Variants in RTTN observed in about 807,000 individuals in gnomAD.
RTTN encodes the protein rotatin.
A neutral mutation model predicts 269.2 loss-of-function variants in RTTN; 182 were observed. The observed-to-expected ratio is 0.68, with a 90% CI of 0.60 to 0.76. The LOEUF is 0.76. Ranked by LOEUF, RTTN falls within the 30% of genes least tolerant of loss-of-function variation. The pLI is 0.00. For synonymous variants in RTTN, 1,006 were observed against 963.5 expected (o/e 1.04, Z -0.82); for missense variants, 2,545 against 2,608.6 (o/e 0.98, Z 0.53).
At chr18:70,015,208 G>A (rs2056504650) in intron 46 of RTTN, among the ~76,000 whole-genome samples, 1 of 151,916 alleles carries the variant, frequency 6.6e-6, no homozygotes, top group African/African-American at 2.4e-5. Context: ...ACTACAAGGT[G>A]CCCGCCACCA....
Position 70,188,184 on chromosome 18 carries a change from G to A in RTTN, c.1229C>T (p.Thr410Ile). The A allele has an allele frequency of 6.2e-7, 1 of 1,611,170 alleles. No individual in the cohort carries two copies. Among genetic ancestry groups the A allele is most frequent in the Non-Finnish European group, 8.5e-7 (1 of 1,177,826 alleles). ...TTCACCAATAAGTGTCATATCCTCT[G>A]TAAGCAATTCCAGAACTCTTATTAT... is the stretch of plus-strand genomic sequence containing the variant. Reference protein sequence around the residue: ...QVIIRVLELLTEDMTLIGEAI... With the variant: ...QVIIRVLELLIEDMTLIGEAI... The change falls in exon 10 of 49, where the codon ACA becomes ATA. Residue 410 changes from threonine to isoleucine, a missense_variant. Coordinates refer to ENST00000640769, the MANE Select transcript of RTTN (RefSeq NM_173630.4).
chr18:70,126,070 C>T (rs1053543433), intron 25 of RTTN, among the ~76,000 whole-genome samples: 11 of 152,086 alleles, frequency 7.2e-5, no homozygotes, highest in Middle Eastern at 3.4e-3. Flanking sequence ...AACATATACA[C>T]AGTCTATACT....
At chr18:70,201,413 T>TAA (rs561925455) in intron 4 of RTTN, among the ~76,000 whole-genome samples, 3 of 144,436 alleles carry the variant, frequency 2.1e-5, no homozygotes, top group Middle Eastern at 3.4e-3. Flanking sequence ...CCATCCCGGC[T>TAA]AAAAAAAAAA....
chr18:70,150,699 AC>A lies in RTTN; in HGVS notation c.1963del (p.Val655CysfsTer32), dbSNP rs759169448. On this transcript the variant is annotated frameshift_variant, in exon 15 of 49. Transcript: ENST00000640769. LOFTEE classifies it high-confidence loss of function. ...ATGAATTCCATTGCAAAGTGAAGAC[AC>A]GGGTTTAGTGACATTATGGACACCT... ...CLGVHNVTKP[V>X]SSLCNGIHFL... 1 of 1,608,816 alleles carries A rather than the reference AC, an allele frequency of 6.2e-7. No homozygotes were observed. Among genetic ancestry groups the A allele is most frequent in the South Asian group, 1.1e-5 (1 of 90,942 alleles).
chr18:70,009,324 G>C (rs2056297189), intron 46 of RTTN, among the ~76,000 whole-genome samples: 1 of 152,160 alleles, frequency 6.6e-6, no homozygotes, highest in East Asian at 1.9e-4. Context: ...TTTTATTAGA[G>C]ACGGGGTTTT....
intron 32 of RTTN, among the ~76,000 whole-genome samples, chr18:70,084,657 A>C (rs1387543926): frequency 6.6e-6 from 1 of 152,138 alleles, no homozygotes; most frequent in African/African-American, 2.4e-5. Context: ...AGAGGAAGAA[A>C]ATCTGAGTTT....
chr18:70,142,682 C>T (rs1230741283), intron 18 of RTTN, among the ~76,000 whole-genome samples: 1 of 152,114 alleles, frequency 6.6e-6, no homozygotes, highest in Non-Finnish European at 1.5e-5. Flanking sequence ...TATTTTTTGA[C>T]TTTTAATAAT....
chr18:70,034,697 C>T (rs901144974), intron 40 of RTTN, among the ~76,000 whole-genome samples: 1 of 152,034 alleles, frequency 6.6e-6, no homozygotes. Context: ...CTGGCCAGGG[C>T]AATCAGGCAA....
At chr18:70,029,112 T>A (rs142896790) in intron 42 of RTTN, among the ~76,000 whole-genome samples, 1 of 151,428 alleles carries the variant, frequency 6.6e-6, no homozygotes, top group Admixed American at 6.6e-5. Flanking sequence ...ATATCAGGTG[T>A]TGGCTGACTT....
chr18:70,135,174 T>C lies in RTTN; in HGVS notation c.2885+10A>G, dbSNP rs1424706730. The C allele has an allele frequency of 7.0e-7, 1 of 1,435,182 alleles. No individual in the cohort carries two copies. The allele number at this position is 1,435,182 out of a possible 1,614,324, so 88.9% of individuals were successfully genotyped here. ...TAAGAGTAAAAAACTTATAAATTCT[T>C]ATATCTCACCACATATCCATTCTCG... On this transcript the variant is annotated intron_variant, in intron 22 of 48. Coordinates refer to ENST00000640769, the MANE Select transcript of RTTN (RefSeq NM_173630.4).
chr18:70,175,874 T>A (rs947098391), intron 11 of RTTN, among the ~76,000 whole-genome samples: 4 of 152,132 alleles, frequency 2.6e-5, no homozygotes, highest in Admixed American at 2.6e-4. Flanking sequence ...ATTGTTTGTA[T>A]TCTGTGTGTC....
chr18:70,088,298 C>T (rs1042864097), intron 30 of RTTN, 151 bp from the exon 31 acceptor site: 4 of 605,422 alleles, frequency 6.6e-6, no homozygotes, highest in Non-Finnish European at 1.0e-5. Flanking sequence ...AAGACAGTGT[C>T]CTCCATTCCA....
At chr18:70,205,460 G>C (rs2062053932) in intron 1 of RTTN, 145 bp from the exon 2 acceptor site, 1 of 1,361,172 alleles carries the variant, frequency 7.3e-7, no homozygotes, top group African/African-American at 1.4e-5. Flanking sequence ...CGCGAACCGC[G>C]AAGTTTACAC....
At chr18:70,078,975 G>A (rs953446384) in intron 32 of RTTN, among the ~76,000 whole-genome samples, 1 of 152,056 alleles carries the variant, frequency 6.6e-6, no homozygotes, top group Non-Finnish European at 1.5e-5. Flanking sequence ...AGAAATAAGA[G>A]CAGTAATACC....
chr18:70,054,665 T>C (rs2057766697), intron 37 of RTTN, among the ~76,000 whole-genome samples: 1 of 151,974 alleles, frequency 6.6e-6, no homozygotes, highest in African/African-American at 2.4e-5. Flanking sequence ...AGATCCTGTT[T>C]CCACAAAAAA....
intron 46 of RTTN, among the ~76,000 whole-genome samples, chr18:70,014,602 C>T (rs2145485791): frequency 6.6e-6 from 1 of 152,342 alleles, no homozygotes; most frequent in Middle Eastern, 3.4e-3. Context: ...ACACCTCAAG[C>T]CAAGTTCACG....
chr18:70,060,159 G>A, intron 35 of RTTN, 117 bp from the exon 36 acceptor site: 1 of 951,978 alleles, frequency 1.1e-6, no homozygotes, highest in Non-Finnish European at 1.5e-6. Context: ...TTGGGGAATT[G>A]CCTTAGCTTC....
intron 26 of RTTN, among the ~76,000 whole-genome samples, chr18:70,120,035 G>A (rs772087116): frequency 1.6e-4 from 25 of 152,248 alleles, no homozygotes; most frequent in Non-Finnish European, 3.1e-4. Context: ...TTGAGAGGTG[G>A]GGCCTTTGGA....
chr18:70,032,256 A>G (rs2057036646), intron 40 of RTTN, among the ~76,000 whole-genome samples: 1 of 152,166 alleles, frequency 6.6e-6, no homozygotes, highest in Admixed American at 6.5e-5. Context: ...CTTCTCCCAG[A>G]GCCCGAGCCT....
Sources: allele counts gnomAD v4.1 joint callset (sites outside exome capture counted in the v4.1 genomes callset), GRCh38; gene constraint gnomAD v4.1.1; transcripts MANE v1.5; gene names NCBI Gene and HGNC (gene_info 2026-07-23, HGNC 2026-07-21).